The following ABHD2 variants were observed in gnomAD, a reference collection of about 807,000 sequenced individuals.
ABHD2 encodes the protein monoacylglycerol lipase ABHD2.
Under a neutral mutation model 48.1 loss-of-function variants are expected in ABHD2, and 20 were observed. The observed-to-expected ratio is 0.42, with a 90% CI of 0.29 to 0.60. The LOEUF (loss-of-function observed/expected upper bound fraction) is 0.60, where lower values mean the gene tolerates loss of function less well. Among genes scored for constraint, ABHD2 ranks in the 20% least tolerant of loss-of-function variants. The pLI, the probability that ABHD2 is intolerant of heterozygous loss-of-function variation, is 0.24. For synonymous variants in ABHD2, 209 were observed against 214.2 expected, an observed-to-expected ratio of 0.98 and a Z score of 0.21; for missense variants, 405 against 550.9, an observed-to-expected ratio of 0.74 and a Z score of 2.65.
rs1324120864 is a variant in ABHD2 at position 89,116,818 on chromosome 15, A to G, written c.194+297A>G. On this transcript the variant is annotated intron_variant, in intron 3 of 10. Coordinates refer to ENST00000352732, the MANE Select transcript of ABHD2 (RefSeq NM_152924.5). The surrounding 1 kb of genome is among the most constrained non-coding windows in gnomAD (Gnocchi z 4.6). Reference sequence around the variant, plus strand: ...TAGGCAGATATGGAAAAGTTGGACAATATTCTAGTCCTTTAACGAATGCTT... The same window carrying G: ...TAGGCAGATATGGAAAAGTTGGACAGTATTCTAGTCCTTTAACGAATGCTT... 6.6e-6 allele frequency among the ~76,000 whole-genome samples: 1 copy of G among 152,222 alleles called. No individual in the cohort carries two copies. The highest frequency in any genetic ancestry group is 6.5e-5 in the Admixed American group (1 of 15,284).
At chr15:89,136,286 A>G in intron 3 of ABHD2, 2 of 430,174 alleles carry the variant, frequency 4.6e-6, no homozygotes, top group Non-Finnish European at 9.2e-6. Context: ...TCTCTTTCGT[A>G]TGGGCCCTGT....
At chr15:89,051,319 C>A in the ABHD2 span, among the ~76,000 whole-genome samples, 1 of 152,208 alleles carries the variant, frequency 6.6e-6, no homozygotes, top group Non-Finnish European at 1.5e-5. Flanking sequence ...ACCTCATACT[C>A]TTCCTGGAAG....
intron 3 of ABHD2, chr15:89,135,793 T>A (rs1235259495): frequency 2.4e-6 from 2 of 822,178 alleles, no homozygotes. Context: ...CCAGTTTCTT[T>A]GCAACATCAT....
chr15:89,063,756 C>G, the ABHD2 span, among the ~76,000 whole-genome samples: 1 of 152,140 alleles, frequency 6.6e-6, no homozygotes, highest in African/African-American at 2.4e-5. Flanking sequence ...TTTTCATCTT[C>G]TCCAACTGAA....
At chr15:89,054,831 T>C in the ABHD2 span, among the ~76,000 whole-genome samples, 4 of 151,826 alleles carry the variant, frequency 2.6e-5, no homozygotes, top group African/African-American at 9.7e-5. Flanking sequence ...GTTTGTAACA[T>C]GGCTTTTCTT....
At chr15:89,050,666 G>C in the ABHD2 span, among the ~76,000 whole-genome samples, 312 of 152,320 alleles carry the variant, frequency 2.0e-3, no homozygotes, top group African/African-American at 7.3e-3. Flanking sequence ...ATGGGAGGTG[G>C]AGAGGAGAGG....
At position 89,201,091 on chromosome 15, in the gene ABHD2, GA is replaced by G; in HGVS notation, c.*5672del. 1 of 965,364 alleles carries G rather than the reference GA, an allele frequency of 1.0e-6. No individual in the cohort carries two copies. Among genetic ancestry groups the G allele is most frequent in the Non-Finnish European group, 1.7e-6 (1 of 594,266 alleles). 59.8% of individuals were successfully genotyped at this position (965,364 alleles called of 1,614,324 possible). A position where few individuals can be genotyped will look rare whatever the true frequency, so the allele number is the denominator to read the frequency against. On this transcript the variant is annotated 3_prime_UTR_variant, in exon 11 of 11. Transcript: ENST00000352732. ...GAGTGAGACTCCGTCTCCAAAAAAA[GA>G]AAAGGAATCCAGTGAAAATGGCTGC...
chr15:89,118,070 G>A (rs2049989766), intron 3 of ABHD2, among the ~76,000 whole-genome samples: 1 of 152,196 alleles, frequency 6.6e-6, no homozygotes, highest in Admixed American at 6.5e-5. Flanking sequence ...CAAGGACATG[G>A]TGTTCTTATA....
At chr15:89,161,120 T>C (rs986163805) in intron 5 of ABHD2, among the ~76,000 whole-genome samples, 4 of 152,226 alleles carry the variant, frequency 2.6e-5, no homozygotes, top group African/African-American at 4.8e-5. Flanking sequence ...AAAAGATACC[T>C]GTGCCAGTGG....
intron 3 of ABHD2, among the ~76,000 whole-genome samples, chr15:89,148,461 A>G (rs1028221068): frequency 6.6e-6 from 1 of 152,254 alleles, no homozygotes; most frequent in African/African-American, 2.4e-5. Context: ...ATTATTAATG[A>G]GGGTGAGGAA....
At chr15:89,078,816 T>C in the ABHD2 span, among the ~76,000 whole-genome samples, 1 of 151,784 alleles carries the variant, frequency 6.6e-6, no homozygotes, top group Non-Finnish European at 1.5e-5. Flanking sequence ...CTACAACCTC[T>C]GCCTCCCAGA....
At chr15:89,042,340 A>C in the ABHD2 span, among the ~76,000 whole-genome samples, 3 of 152,054 alleles carry the variant, frequency 2.0e-5, no homozygotes, top group Non-Finnish European at 2.9e-5. Context: ...TACTCCCTCA[A>C]ACATCTTTTT....
the ABHD2 span, among the ~76,000 whole-genome samples, chr15:89,071,522 C>T: frequency 3.9e-3 from 597 of 152,336 alleles, 11 homozygotes; most frequent in Non-Finnish European, 3.2e-3. Flanking sequence ...CACTTGCAAA[C>T]AGCATGCAGT....
intron 3 of ABHD2, among the ~76,000 whole-genome samples, chr15:89,128,335 A>T (rs1221551309): frequency 5.9e-5 from 9 of 152,202 alleles, no homozygotes; most frequent in Admixed American, 5.9e-4. Context: ...ACAAGCACTC[A>T]TGGCAGAAAA....
the ABHD2 span, among the ~76,000 whole-genome samples, chr15:89,052,550 G>GAC: frequency 3.9e-4 from 42 of 107,430 alleles, no homozygotes; most frequent in African/African-American, 1.2e-3. Context: ...CAGACAGACA[G>GAC]ACAGACAGAC....
intron 8 of ABHD2, among the ~76,000 whole-genome samples, chr15:89,190,140 G>C (rs572295421): frequency 2.0e-5 from 3 of 152,254 alleles, no homozygotes; most frequent in Admixed American, 6.5e-5. Context: ...CACAGCTTTG[G>C]GGGAGGAAGG....
rs911513302 is a variant in ABHD2, at chr15:89,177,837, A to T, written c.722+1842A>T. Reference sequence around the variant, plus strand: ...CTACCCCAGGATCCAAGGGAGCAGAACTAGGACGTTTGTTTTGTTTTCTTT... The same window carrying T: ...CTACCCCAGGATCCAAGGGAGCAGATCTAGGACGTTTGTTTTGTTTTCTTT... On this transcript the variant is annotated intron_variant, in intron 6 of 10. Coordinates refer to ENST00000352732, the MANE Select transcript of ABHD2 (RefSeq NM_152924.5). The surrounding 1 kb of genome is among the most constrained non-coding windows in gnomAD (Gnocchi z 5.6). Among the ~76,000 whole-genome samples, 3 of 152,168 alleles carry T rather than the reference A, an allele frequency of 2.0e-5. No individual in the cohort carries two copies. Among genetic ancestry groups the T allele is most frequent in the Non-Finnish European group, 2.9e-5 (2 of 68,034 alleles).
chr15:89,066,282 G>T, the ABHD2 span, among the ~76,000 whole-genome samples: 2 of 152,072 alleles, frequency 1.3e-5, no homozygotes, highest in Non-Finnish European at 2.9e-5. Flanking sequence ...TCCCTTTCTT[G>T]CCTCTCTCCT....
chr15:89,195,722 T>G lies in ABHD2; in HGVS notation c.*299T>G. The G allele has an allele frequency of 3.1e-6, 1 of 324,782 alleles. No individual in the cohort carries two copies. The highest frequency in any genetic ancestry group is 5.7e-6 in the Non-Finnish European group (1 of 176,064). 20.1% of individuals were successfully genotyped at this position (324,782 alleles called of 1,614,324 possible). A position where few individuals can be genotyped will look rare whatever the true frequency, so the allele number is the denominator to read the frequency against. On this transcript the variant is annotated 3_prime_UTR_variant, in exon 11 of 11. Transcript: ENST00000352732. The surrounding 1 kb of genome is among the most constrained non-coding windows in gnomAD (Gnocchi z 5.1). ...TGCTTTTAAGCCAAGTACATCTAGT[T>G]TCCCTATTAAAAATGTGTCTGAATA...
Sources: allele counts gnomAD v4.1 joint callset (sites outside exome capture counted in the v4.1 genomes callset), GRCh38; gene constraint gnomAD v4.1.1; non-coding constraint Gnocchi (gnomAD v3.1); transcripts MANE v1.5; gene names NCBI Gene and HGNC (gene_info 2026-07-23, HGNC 2026-07-21).